Variants in SEMA5A observed in about 807,000 individuals in gnomAD.
The protein encoded by SEMA5A is semaphorin 5A, also known as semaphorin-5A.
In SEMA5A, 55 loss-of-function variants were observed where a neutral mutation model predicts 135.5. The observed-to-expected ratio is 0.41, with a 90% CI of 0.33 to 0.51. The LOEUF (loss-of-function observed/expected upper bound fraction) is 0.51. Ranked by LOEUF, SEMA5A falls within the 20% of genes least tolerant of loss-of-function variation. The pLI is 0.37. For missense variants in SEMA5A, 1,290 were observed against 1,419.9 expected, an observed-to-expected ratio of 0.91 and a Z score of 1.47; for synonymous variants, 580 against 546.5, an observed-to-expected ratio of 1.06 and a Z score of -0.85.
chr5:9,180,579 G>A (rs567988701), intron 11 of SEMA5A, among the ~76,000 whole-genome samples: 1 of 152,180 alleles, frequency 6.6e-6, no homozygotes, highest in East Asian at 1.9e-4. Context: ...GTTGCAAATT[G>A]CTTAGAAACA....
intron 16 of SEMA5A, among the ~76,000 whole-genome samples, chr5:9,099,771 C>T (rs1739519738): frequency 6.6e-6 from 1 of 152,144 alleles, no homozygotes; most frequent in South Asian, 2.1e-4. Flanking sequence ...CAGGCTGTGC[C>T]CAACAAGGTG....
At position 9,344,928 on chromosome 5, in the gene SEMA5A, C is replaced by T. The variant is rs1329249488; in HGVS notation, c.125-7116G>A. Among the ~76,000 whole-genome samples, 8 of 152,124 alleles carry T rather than the reference C, an allele frequency of 5.3e-5. No homozygotes were observed. In the East Asian group the frequency reaches 1.2e-3, roughly 22 times the overall value. On this transcript the variant is annotated intron_variant, in intron 3 of 22. Transcript: ENST00000382496. The stretch of plus-strand genomic sequence containing the variant: ...AGGGCAGGTGTGTTACACCACCTGC[C>T]CAAGGCTATGCATGTGCAGTGAGCT...
intron 15 of SEMA5A, among the ~76,000 whole-genome samples, chr5:9,114,924 G>A (rs1270794984): frequency 6.6e-6 from 1 of 152,204 alleles, no homozygotes; most frequent in Non-Finnish European, 1.5e-5. Flanking sequence ...GTAGTATTTA[G>A]TTACACAAAG....
intron 4 of SEMA5A, among the ~76,000 whole-genome samples, chr5:9,322,855 C>T (rs1395604901): frequency 6.6e-6 from 1 of 152,030 alleles, no homozygotes; most frequent in African/African-American, 2.4e-5. Context: ...GAAACAAACA[C>T]AGTAACAGCT....
At chr5:9,164,126 A>G (rs553493818) in intron 11 of SEMA5A, among the ~76,000 whole-genome samples, 8 of 110,172 alleles carry the variant, frequency 7.3e-5, no homozygotes, top group African/African-American at 2.7e-4. Context: ...TAAATATATC[A>G]TATAAATATT....
intron 3 of SEMA5A, among the ~76,000 whole-genome samples, chr5:9,374,622 CG>C (rs1755281808): frequency 6.8e-6 from 1 of 147,138 alleles, no homozygotes; most frequent in Non-Finnish European, 1.5e-5. Context: ...CACAAGACAT[CG>C]TGTGTGTGTG....
rs189191520 is a variant in SEMA5A at position 9,113,106 on chromosome 5, C to T, written c.1926-4819G>A. On this transcript the variant is annotated intron_variant, in intron 15 of 22. Coordinates refer to ENST00000382496, the MANE Select transcript of SEMA5A (RefSeq NM_003966.3). Reference sequence around the variant, plus strand: ...CTAGGGCCTCTATGTTGATTTCAGCCTTGTGAGAACCTGAAGCTGTGCCCA... The same window carrying T: ...CTAGGGCCTCTATGTTGATTTCAGCTTTGTGAGAACCTGAAGCTGTGCCCA... 4.6e-5 allele frequency among the ~76,000 whole-genome samples: 7 copies of T among 152,272 alleles called. No homozygotes were observed. In the East Asian group the frequency reaches 1.2e-3, roughly 25 times the overall value.
In SEMA5A at chr5:9,044,403, C is replaced by A; in HGVS notation, c.3075G>T (p.Leu1025=). 1 of 1,613,490 alleles carries A rather than the reference C, an allele frequency of 6.2e-7. No individual in the cohort carries two copies. Among genetic ancestry groups the A allele is most frequent in the Non-Finnish European group, 8.5e-7 (1 of 1,179,914 alleles). ...TGGCCTCCACCGAGTCGTACTTGTC[C>A]AGTTTGTTGATGTGGTTGGTTATGC... ...NTSITNHINK[L]DKYDSVEAIK... Residue 1025 remains leucine, a synonymous_variant, in exon 22 of 23, where the codon CTG becomes CTT. Coordinates refer to ENST00000382496, the MANE Select transcript of SEMA5A (RefSeq NM_003966.3).
intron 16 of SEMA5A, among the ~76,000 whole-genome samples, chr5:9,091,564 A>G (rs1189480183): frequency 1.3e-5 from 2 of 152,210 alleles, no homozygotes; most frequent in Non-Finnish European, 2.9e-5. Context: ...AATTCAGCAT[A>G]AATCACAATG....
intron 2 of SEMA5A, among the ~76,000 whole-genome samples, chr5:9,408,126 TCAC>T (rs1336524002): frequency 6.6e-5 from 10 of 150,842 alleles, no homozygotes; most frequent in Non-Finnish European, 1.3e-4. Context: ...ACCACCATTT[TCAC>T]CACCATCTTC....
At chr5:9,265,976 C>T (rs1749665500) in intron 5 of SEMA5A, among the ~76,000 whole-genome samples, 2 of 152,236 alleles carry the variant, frequency 1.3e-5, no homozygotes, top group South Asian at 4.1e-4. Context: ...TGCCCCACGG[C>T]TGCCCTGCTT....
Position 9,042,874 on chromosome 5 carries a change from A to G in SEMA5A, c.*23T>C. 1.2e-6 allele frequency: 2 copies of G among 1,613,684 alleles called. No individual in the cohort carries two copies. Among genetic ancestry groups the G allele is most frequent in the Non-Finnish European group, 1.7e-6 (2 of 1,179,792 alleles). ...GGCCTTGAGGAACTGGGGATTTACA[A>G]GAAGCCAAAAACATGAAAGCTGTTA... is the stretch of plus-strand genomic sequence containing the variant. On this transcript the variant is annotated 3_prime_UTR_variant, in exon 23 of 23. Transcript: ENST00000382496.
intron 2 of SEMA5A, among the ~76,000 whole-genome samples, chr5:9,418,931 C>A (rs1471801045): frequency 6.6e-6 from 1 of 152,132 alleles, no homozygotes; most frequent in Non-Finnish European, 1.5e-5. Flanking sequence ...TTTCCTAGTT[C>A]CTTTAGGTAC....
chr5:9,302,240 T>C (rs1209208297), intron 5 of SEMA5A, among the ~76,000 whole-genome samples: 3 of 152,208 alleles, frequency 2.0e-5, no homozygotes, highest in African/African-American at 7.2e-5. Context: ...TTTAGAAGTT[T>C]CAGGAATTAG....
At chr5:9,468,333 A>T (rs563701372) in intron 1 of SEMA5A, among the ~76,000 whole-genome samples, 43 of 152,242 alleles carry the variant, frequency 2.8e-4, no homozygotes, top group Non-Finnish European at 4.9e-4. Flanking sequence ...GATTTTGACA[A>T]ATCTTACCCA....
At chr5:9,330,332 G>T (rs1430140665) in intron 4 of SEMA5A, among the ~76,000 whole-genome samples, 2 of 151,370 alleles carry the variant, frequency 1.3e-5, no homozygotes, top group African/African-American at 2.4e-5. Context: ...GGAGCTTGCA[G>T]TGAGCTGAGA....
intron 3 of SEMA5A, among the ~76,000 whole-genome samples, chr5:9,353,926 G>A (rs1219295779): frequency 6.7e-6 from 1 of 148,498 alleles, no homozygotes; most frequent in Non-Finnish European, 1.5e-5. Flanking sequence ...GCAGCCCCAA[G>A]TCAAACACCA....
chr5:9,484,920 G>C (rs1760020607), intron 1 of SEMA5A, among the ~76,000 whole-genome samples: 1 of 152,112 alleles, frequency 6.6e-6, no homozygotes, highest in Admixed American at 6.5e-5. Context: ...ACCCATGAGT[G>C]GGGCTGCATA....
chr5:9,080,549 A>AC (rs1000508425), intron 16 of SEMA5A, among the ~76,000 whole-genome samples: 2 of 151,392 alleles, frequency 1.3e-5, no homozygotes, highest in Admixed American at 6.6e-5. Context: ...TAAAAAAAAA[A>AC]AAAACTGAAT....
Sources: allele counts gnomAD v4.1 joint callset (sites outside exome capture counted in the v4.1 genomes callset), GRCh38; gene constraint gnomAD v4.1.1; transcripts MANE v1.5; gene names NCBI Gene and HGNC (gene_info 2026-07-23, HGNC 2026-07-21).